The following SLC4A10 variants were observed in gnomAD, a reference collection of about 807,000 sequenced individuals.
SLC4A10 encodes the protein sodium-driven chloride bicarbonate exchanger.
A neutral mutation model predicts 137.7 loss-of-function variants in SLC4A10; 42 were observed. The ratio of observed to expected loss-of-function variants is 0.30; its 90% CI spans 0.24 to 0.39. The LOEUF (loss-of-function observed/expected upper bound fraction) is 0.39. Ranked by LOEUF, SLC4A10 falls within the 10% of genes least tolerant of loss-of-function variation. SLC4A10 has a pLI of 1.00. For synonymous variants in SLC4A10, 474 were observed against 464.1 expected (o/e 1.02, Z -0.27); for missense variants, 925 against 1,355.0 (o/e 0.68, Z 4.98).
At chr2:161,958,396 G>A in intron 20 of SLC4A10, 91 bp from the exon 21 acceptor site, 1 of 954,270 alleles carries the variant, frequency 1.0e-6, no homozygotes, top group Admixed American at 2.1e-5. Context: ...ATTCAAAAAT[G>A]CCTTTTTTCC....
chr2:161,820,081 C>A (rs1226860894), intron 3 of SLC4A10, among the ~76,000 whole-genome samples: 1 of 151,616 alleles, frequency 6.6e-6, no homozygotes, highest in African/African-American at 2.4e-5. Flanking sequence ...GACTATTAAA[C>A]ACATGTTTAA....
chr2:161,948,686 C>A (rs576192145), intron 17 of SLC4A10, among the ~76,000 whole-genome samples: 10 of 151,988 alleles, frequency 6.6e-5, no homozygotes, highest in Admixed American at 2.6e-4. Flanking sequence ...TGCTTATATT[C>A]TAGATAAACT....
At chr2:161,755,423 C>T (rs1049391619) in intron 1 of SLC4A10, among the ~76,000 whole-genome samples, 4 of 152,044 alleles carry the variant, frequency 2.6e-5, no homozygotes, top group African/African-American at 7.2e-5. Flanking sequence ...TTGGCTTAAC[C>T]TTTGGGAAGT....
chr2:161,627,344 A>G (rs546053639), intron 1 of SLC4A10, among the ~76,000 whole-genome samples: 54 of 152,222 alleles, frequency 3.5e-4, no homozygotes, highest in African/African-American at 1.3e-3. Context: ...TTTAGTTATA[A>G]TTATGAAAAC....
chr2:161,980,823 T>C (rs1700115025), intron 26 of SLC4A10, among the ~76,000 whole-genome samples: 1 of 152,224 alleles, frequency 6.6e-6, no homozygotes, highest in Admixed American at 6.5e-5. Context: ...CCTAGGTCAT[T>C]ATGGAGTTCC....
intron 15 of SLC4A10, among the ~76,000 whole-genome samples, chr2:161,929,098 A>G (rs1199196735): frequency 6.6e-6 from 1 of 152,190 alleles, no homozygotes; most frequent in Non-Finnish European, 1.5e-5. Context: ...TTCTGAGGTA[A>G]ACTAACTGAC....
intron 1 of SLC4A10, among the ~76,000 whole-genome samples, chr2:161,727,001 A>C (rs1230575589): frequency 1.3e-5 from 2 of 152,170 alleles, no homozygotes; most frequent in Non-Finnish European, 2.9e-5. Context: ...CTTTCTCCTC[A>C]CTTCAGATAG....
At chr2:161,785,414 A>T (rs1260473311) in intron 2 of SLC4A10, among the ~76,000 whole-genome samples, 1 of 151,824 alleles carries the variant, frequency 6.6e-6, no homozygotes, top group Non-Finnish European at 1.5e-5. Flanking sequence ...AGACACTGCA[A>T]GATAAGAAAA....
At chr2:161,882,778 T>C (rs1020918617) in intron 10 of SLC4A10, among the ~76,000 whole-genome samples, 1 of 152,120 alleles carries the variant, frequency 6.6e-6, no homozygotes, top group African/African-American at 2.4e-5. Flanking sequence ...GAGTAAAGAA[T>C]TTCGAAGTCT....
chr2:161,843,277 G>A lies in SLC4A10; in HGVS notation c.416+3350G>A, dbSNP rs546381543. ...AATATAGCACTCTCACTTTGTTACA[G>A]TTGAGCAGGTAGGTTTTTGTTATGC... On this transcript the variant is annotated intron_variant, in intron 4 of 26. Coordinates refer to ENST00000446997, the MANE Select transcript of SLC4A10 (RefSeq NM_001178015.2). 6.6e-5 allele frequency among the ~76,000 whole-genome samples: 10 copies of A among 152,258 alleles called. No homozygotes were observed. The South Asian group carries it at 2.1e-3, about 32-fold the overall frequency.
chr2:161,976,456 A>G (rs1473110536), intron 24 of SLC4A10, among the ~76,000 whole-genome samples: 2 of 152,180 alleles, frequency 1.3e-5, no homozygotes, highest in Non-Finnish European at 2.9e-5. Flanking sequence ...ACCGGGAACA[A>G]GAGGAAATGG....
intron 1 of SLC4A10, among the ~76,000 whole-genome samples, chr2:161,635,090 G>A (rs1208022925): frequency 6.6e-6 from 1 of 151,888 alleles, no homozygotes; most frequent in Non-Finnish European, 1.5e-5. Context: ...AAGAACCAAG[G>A]GTCTTGGGAA....
chr2:161,747,806 C>T (rs1472028951), intron 1 of SLC4A10, among the ~76,000 whole-genome samples: 1 of 152,156 alleles, frequency 6.6e-6, no homozygotes, highest in East Asian at 1.9e-4. Context: ...TTTGAATGTA[C>T]ACCTGGAAGA....
chr2:161,625,372 T>G (rs2032106186), intron 1 of SLC4A10, among the ~76,000 whole-genome samples: 2 of 152,022 alleles, frequency 1.3e-5, no homozygotes, highest in African/African-American at 4.8e-5. Flanking sequence ...CAACATCTTT[T>G]TCTGTCTGGA....
intron 4 of SLC4A10, among the ~76,000 whole-genome samples, chr2:161,851,826 T>A (rs1394437122): frequency 6.6e-6 from 1 of 152,190 alleles, no homozygotes; most frequent in East Asian, 1.9e-4. Context: ...TTTTTAGTAA[T>A]GTACGAAGAC....
intron 1 of SLC4A10, among the ~76,000 whole-genome samples, chr2:161,673,865 C>T (rs1016698621): frequency 2.6e-5 from 4 of 152,154 alleles, no homozygotes; most frequent in South Asian, 2.1e-4. Context: ...TGGTGCACAC[C>T]GGTAGTCTCA....
chr2:161,771,170 C>A, intron 2 of SLC4A10, 116 bp downstream of exon 2: 1 of 715,796 alleles, frequency 1.4e-6, no homozygotes, highest in Non-Finnish European at 2.4e-6. Flanking sequence ...GTAATGGTAG[C>A]TTACTGGGGA....
At chr2:161,712,397 A>G (rs948966242) in intron 1 of SLC4A10, among the ~76,000 whole-genome samples, 6 of 151,336 alleles carry the variant, frequency 4.0e-5, no homozygotes, top group Admixed American at 6.6e-5. Context: ...GGGTAAAAAA[A>G]AGCCTTTCTT....
At chr2:161,712,885 T>C (rs892892681) in intron 1 of SLC4A10, among the ~76,000 whole-genome samples, 5 of 151,814 alleles carry the variant, frequency 3.3e-5, no homozygotes, top group Admixed American at 2.0e-4. Context: ...AAAACAAATA[T>C]ACAAAATCCT....
Sources: allele counts gnomAD v4.1 joint callset (sites outside exome capture counted in the v4.1 genomes callset), GRCh38; gene constraint gnomAD v4.1.1; transcripts MANE v1.5; gene names NCBI Gene and HGNC (gene_info 2026-07-23, HGNC 2026-07-21).